Variants in PLXNB2 observed in about 807,000 individuals in gnomAD.
PLXNB2 encodes the protein plexin-B2.
PLXNB2 carries 85 observed loss-of-function variants against 202.6 expected under a neutral mutation model. That is an observed-to-expected ratio of 0.42 (90% CI 0.35 to 0.50). The LOEUF (loss-of-function observed/expected upper bound fraction) is 0.50. Ranked by LOEUF, PLXNB2 falls within the 20% of genes least tolerant of loss-of-function variation. The probability of loss-of-function intolerance (pLI) is 0.02; values close to 1 mark genes in which losing one functional copy is unlikely to be tolerated. For missense variants in PLXNB2, 2,063 were observed against 2,586.2 expected, an observed-to-expected ratio of 0.80 and a Z score of 4.39; for synonymous variants, 1,239 against 1,137.6, an observed-to-expected ratio of 1.09 and a Z score of -1.79.
At chr22:50,305,870 G>C (rs2017154446) in intron 1 of PLXNB2, among the ~76,000 whole-genome samples, 2 of 152,166 alleles carry the variant, frequency 1.3e-5, no homozygotes, top group African/African-American at 4.8e-5. Flanking sequence ...TCCCCCAGAG[G>C]GGCTTGGGCC....
rs759365740 is a variant in PLXNB2 at position 50,290,183 on chromosome 22, G to A, written c.402C>T (p.Tyr134=). The A allele has an allele frequency of 1.2e-5, 20 of 1,612,654 alleles. No homozygotes were observed. Among genetic ancestry groups the A allele is most frequent in the Non-Finnish European group, 1.5e-5 (18 of 1,179,992 alleles). The stretch of plus-strand genomic sequence containing the variant: ...AAGACTTCTCCCCGCTGCCGTCCTC[G>A]TAGAACAGGCGGAGGGAGATGTTGC... ...ALSNISLRLF[Y]EDGSGEKSFV... is the part of the protein sequence containing the mutation. Residue 134 remains tyrosine (Y), a synonymous_variant, in exon 3 of 37, where the codon TAC becomes TAT. Coordinates refer to ENST00000359337, the MANE Select transcript of PLXNB2 (RefSeq NM_012401.4).
chr22:50,287,187 T>C lies in PLXNB2; in HGVS notation c.1686A>G (p.Pro562=). 1 of 1,547,860 alleles carries C rather than the reference T, an allele frequency of 6.5e-7. No individual in the cohort carries two copies. The highest frequency in any genetic ancestry group is 8.7e-7 in the Non-Finnish European group (1 of 1,145,768). ...ELLCLFGESP[P]HPARVEGEAV... is the part of the protein sequence containing the mutation. ...CCTCGCCCTCCACGCGGGCGGGGTG[T>C]GGCGGCGACTCCCCAAAAAGGCACA... The change falls in exon 8 of 37, where the codon CCA becomes CCG. Residue 562 remains proline (P), a synonymous_variant. Transcript: ENST00000359337.
At position 50,282,727 on chromosome 22, in the gene PLXNB2, G is replaced by A; in HGVS notation, c.2971C>T (p.Leu991=). The A allele has an allele frequency of 3.8e-6, 6 of 1,598,988 alleles. No individual in the cohort carries two copies. The highest frequency in any genetic ancestry group is 4.3e-6 in the Non-Finnish European group (5 of 1,174,102). Residue 991 remains leucine, a synonymous_variant, in exon 18 of 37, where the codon CTA becomes TTA. Coordinates refer to ENST00000359337, the MANE Select transcript of PLXNB2 (RefSeq NM_012401.4). Reference sequence around the variant, plus strand: ...CAGCCTCACCTGGCAAAGCTTCGTAGCGGCTCGAAGGCTCGCAGTACGGGG... The same window carrying A: ...CAGCCTCACCTGGCAAAGCTTCGTAACGGCTCGAAGGCTCGCAGTACGGGG... ...ENPVLRAFEP[L]RSFASGGRSI... is the part of the protein sequence containing the mutation.
intron 1 of PLXNB2, among the ~76,000 whole-genome samples, chr22:50,301,950 C>T (rs1253981902): frequency 6.6e-6 from 1 of 152,260 alleles, no homozygotes; most frequent in African/African-American, 2.4e-5. Flanking sequence ...GCCGGAAAAG[C>T]CCTGCCAACA....
At chr22:50,282,647 C>G in intron 18 of PLXNB2, 64 bp downstream of exon 18, 1 of 1,150,930 alleles carries the variant, frequency 8.7e-7, no homozygotes, top group Non-Finnish European at 1.2e-6. Flanking sequence ...CACAGTCAGC[C>G]AAGGGCACTG....
chr22:50,298,192 C>T (rs554503743), intron 1 of PLXNB2, among the ~76,000 whole-genome samples: 193 of 152,366 alleles, frequency 1.3e-3, no homozygotes, highest in Non-Finnish European at 1.6e-3. Context: ...GACCTGTCCC[C>T]GCAGGTCACC....
intron 1 of PLXNB2, among the ~76,000 whole-genome samples, chr22:50,298,163 C>A (rs540296994): frequency 8.3e-4 from 127 of 152,374 alleles, no homozygotes; most frequent in African/African-American, 3.0e-3. Flanking sequence ...TGGTGACATG[C>A]AGGGGCGCGA....
rs779253388 is a variant in PLXNB2, at chr22:50,286,270, T to C, written c.1780A>G (p.Ile594Val). The change falls in exon 9 of 37, where the codon ATC (isoleucine) becomes GTC (valine). Residue 594 changes from isoleucine (I) to valine (V), a missense_variant. Physicochemically the swap from Ile to Val is conservative, Grantham distance 29. Transcript: ENST00000359337. ...TTGCCTCGTCTAAGGAGGAGCTGGA[T>C]GGTCACGGCCACGTGGTCTGCAGAC... is the stretch of plus-strand genomic sequence containing the variant. The part of the protein sequence containing the change: ...PPGQDHVAVT[I>V]QLLLRRGNIF... 1.7e-5 allele frequency: 28 copies of C among 1,612,848 alleles called. No individual in the cohort carries two copies. Among genetic ancestry groups the C allele is most frequent in the Non-Finnish European group, 2.4e-5 (28 of 1,179,654 alleles).
In PLXNB2 at chr22:50,297,821, T is replaced by C. The variant is rs1175325785; in HGVS notation, c.-73-3043A>G. The stretch of plus-strand genomic sequence containing the variant: ...GCTGCTCTGTGCCTCAGTTTCCCCA[T>C]ATGTAACCTGGGGGTCATTATGGCG... On this transcript the variant is annotated intron_variant, in intron 1 of 36. Transcript: ENST00000359337. The surrounding 1 kb of genome is among the most constrained non-coding windows in gnomAD (Gnocchi z 5.3). Among the ~76,000 whole-genome samples the C allele has an allele frequency of 6.6e-6, 1 of 152,120 alleles. No homozygotes were observed. Among genetic ancestry groups the C allele is most frequent in the African/African-American group, 2.4e-5 (1 of 41,414 alleles).
At position 50,301,237 on chromosome 22, in the gene PLXNB2, C is replaced by T. The variant is rs2067663069; in HGVS notation, c.-74+6316G>A. 1.4e-5 allele frequency: 3 copies of T among 220,550 alleles called. No individual in the cohort carries two copies. The South Asian group carries it at 4.8e-4, about 36-fold the overall frequency. The allele number at this position is 220,550 out of a possible 1,614,324, so 13.7% of individuals were successfully genotyped here. Reference sequence around the variant, plus strand: ...CAGAACCACCTCTCTCCTCAACCACCCCTTTCGGGGTCCCAGACCCCATCC... The same window carrying T: ...CAGAACCACCTCTCTCCTCAACCACTCCTTTCGGGGTCCCAGACCCCATCC... On this transcript the variant is annotated intron_variant, in intron 1 of 36. Transcript: ENST00000359337.
intron 1 of PLXNB2, among the ~76,000 whole-genome samples, chr22:50,299,527 A>C (rs1017063002): frequency 1.3e-5 from 2 of 151,972 alleles, no homozygotes; most frequent in Admixed American, 6.5e-5. Flanking sequence ...AGCGCTAAAC[A>C]CATCAGAGGA....
chr22:50,286,921 A>C (rs932885703), intron 8 of PLXNB2, among the ~76,000 whole-genome samples, 190 bp downstream of exon 8: 11 of 152,258 alleles, frequency 7.2e-5, no homozygotes, highest in East Asian at 3.9e-4. Flanking sequence ...CGGACAGCCC[A>C]AGAAGCCAGA....
At position 50,280,732 on chromosome 22, in the gene PLXNB2, C is replaced by T. The variant is rs200919785; in HGVS notation, c.3993+12G>A. ...CCTGTGTGCCCTCCCGCCCGCCCGA[C>T]GCCTGGCTCACATTGATGAGGAAAG... On this transcript the variant is annotated intron_variant, in intron 24 of 36. Coordinates refer to ENST00000359337, the MANE Select transcript of PLXNB2 (RefSeq NM_012401.4). 2,069 of 1,584,560 alleles carry T rather than the reference C, an allele frequency of 1.3e-3. 3 individuals are homozygous for T. Among genetic ancestry groups the T allele is most frequent in the Non-Finnish European group, 1.6e-3 (1,840 of 1,164,430 alleles).
At chr22:50,283,315 G>C in intron 16 of PLXNB2, 22 bp downstream of exon 16, 1 of 1,610,900 alleles carries the variant, frequency 6.2e-7, no homozygotes, top group Admixed American at 1.7e-5. Flanking sequence ...GGTTCGGCAG[G>C]TCCCCGAGGC....
At chr22:50,279,405 G>A (rs949595368) in intron 27 of PLXNB2, among the ~76,000 whole-genome samples, 4 of 152,196 alleles carry the variant, frequency 2.6e-5, no homozygotes, top group Admixed American at 1.3e-4. Flanking sequence ...AGGTGGGGGC[G>A]CCCGGGAAGA....
rs754771727 is a variant in PLXNB2 at position 50,287,768 on chromosome 22, G to T, written c.1507C>A (p.Arg503=). The T allele has an allele frequency of 6.3e-7, 1 of 1,581,038 alleles. No individual in the cohort carries two copies. The highest frequency in any genetic ancestry group is 8.5e-7 in the Non-Finnish European group (1 of 1,171,316). The stretch of plus-strand genomic sequence containing the variant: ...AGCCAGTGGCTGGCCTCCTCGGCCC[G>T]CGGACACTCGGCCTTCCGGGTGCAT... ...GRCTRKAECP[R]AEEASHWLWS... The change falls in exon 7 of 37, where the codon CGG becomes AGG. Residue 503 remains arginine (R), a synonymous_variant. Coordinates refer to ENST00000359337, the MANE Select transcript of PLXNB2 (RefSeq NM_012401.4).
At chr22:50,296,193 T>TATACACACAC (rs2067247380) in intron 1 of PLXNB2, among the ~76,000 whole-genome samples, 1 of 139,332 alleles carries the variant, frequency 7.2e-6, no homozygotes, top group Non-Finnish European at 1.5e-5. Context: ...TCTCAAAAAA[T>TATACACACAC]ACACACACAC....
In PLXNB2 at chr22:50,297,402, A is replaced by G. The variant is rs2067358849; in HGVS notation, c.-73-2624T>C. Among the ~76,000 whole-genome samples the G allele has an allele frequency of 6.6e-6, 1 of 152,116 alleles. No homozygotes were observed. Among genetic ancestry groups the G allele is most frequent in the South Asian group, 2.1e-4 (1 of 4,822 alleles). On this transcript the variant is annotated intron_variant, in intron 1 of 36. Transcript: ENST00000359337. The surrounding 1 kb of genome is among the most constrained non-coding windows in gnomAD (Gnocchi z 5.3). ...ACTCAGGAAGCCAGAGGCAAGACCC[A>G]TACTCCACTCTCCTGGAGGAGGCTT...
At chr22:50,286,130 G>C in intron 9 of PLXNB2, 32 bp from the exon 10 acceptor site, 1 of 1,610,650 alleles carries the variant, frequency 6.2e-7, no homozygotes, top group Non-Finnish European at 8.5e-7. Context: ...AGCAGGGCTG[G>C]GGTGGACGGG....
Sources: allele counts gnomAD v4.1 joint callset (sites outside exome capture counted in the v4.1 genomes callset), GRCh38; gene constraint gnomAD v4.1.1; non-coding constraint Gnocchi (gnomAD v3.1); transcripts MANE v1.5; gene names NCBI Gene and HGNC (gene_info 2026-07-23, HGNC 2026-07-21).